INPP4A: variants seen among roughly 807,000 people sequenced by gnomAD.
The protein encoded by INPP4A is inositol polyphosphate-4-phosphatase, type I, 107kD.
Under a neutral mutation model 119.8 loss-of-function variants are expected in INPP4A, and 33 were observed. The observed-to-expected ratio is 0.28, with a 90% confidence interval of 0.21 to 0.37. The LOEUF is 0.37. INPP4A is among the 10% of genes least tolerant of loss of function. The probability of loss-of-function intolerance (pLI) is 1.00; values close to 1 mark genes in which losing one functional copy is unlikely to be tolerated. For missense variants in INPP4A, 956 were observed against 1,289.9 expected (o/e 0.74, Z 3.97); for synonymous variants, 496 against 500.7 (o/e 0.99, Z 0.12).
rs1402783052 is a variant in INPP4A at position 98,581,560 on chromosome 2, T to C, written c.2786+4417T>C. 11 of 1,503,098 alleles carry C rather than the reference T, an allele frequency of 7.3e-6. 1 individual carries two copies. The South Asian group carries it at 1.4e-4, about 19-fold the overall frequency. The allele number at this position is 1,503,098 out of a possible 1,614,324, so 93.1% of individuals were successfully genotyped here. ...TTTTTCCTTTTTCTTTCTCCCAAAC[T>C]TTTTCCTTTTCACAGCATTGGAACA... On this transcript the variant is annotated intron_variant, in intron 24 of 24. Transcript: ENST00000409851.
At chr2:98,536,300 C>G in intron 7 of INPP4A, 92 bp downstream of exon 7, 1 of 769,550 alleles carries the variant, frequency 1.3e-6, no homozygotes, top group Non-Finnish European at 2.3e-6. Flanking sequence ...ACTGAGAGAG[C>G]ACCCTTCCCT....
intron 1 of INPP4A, among the ~76,000 whole-genome samples, chr2:98,505,431 G>C (rs543750459): frequency 1.4e-3 from 220 of 152,280 alleles, no homozygotes; most frequent in African/African-American, 5.1e-3. Context: ...CACTTTCCCT[G>C]CAGTGCTTCC....
chr2:98,452,199 A>T (rs894908617), intron 1 of INPP4A, among the ~76,000 whole-genome samples: 1 of 152,210 alleles, frequency 6.6e-6, no homozygotes, highest in African/African-American at 2.4e-5. Context: ...CCTGTGGAGC[A>T]AAGGGTCACG....
rs1697326189 is a variant in INPP4A, at chr2:98,570,895, C to G, written c.2519-1920C>G. 6.6e-6 allele frequency among the ~76,000 whole-genome samples: 1 copy of G among 152,048 alleles called. No individual in the cohort carries two copies. ...GGAGTGGAGGTGACTGGCAGAGATG[C>G]AGTTGGAGCCAGAGAGCCTGGAAAA... On this transcript the variant is annotated intron_variant, in intron 22 of 24. Transcript: ENST00000409851. The surrounding 1 kb of genome is among the most constrained non-coding windows in gnomAD (Gnocchi z 4.3).
intron 13 of INPP4A, chr2:98,549,040 C>T: frequency 7.0e-7 from 1 of 1,432,672 alleles, no homozygotes; most frequent in Non-Finnish European, 9.7e-7. Flanking sequence ...TTGTGCCATC[C>T]CCACACCTCC....
chr2:98,594,008 G>C lies in INPP4A; in HGVS notation c.*6400G>C, dbSNP rs929555269. ...GTCAGTCCCCTCTGTATTCACAAGA[G>C]CAAGTGTAATGCCCGCTGTGAAGGA... On this transcript the variant is annotated 3_prime_UTR_variant, in exon 25 of 25. Transcript: ENST00000409851. 1.3e-5 allele frequency: 2 copies of C among 152,212 alleles called. No individual in the cohort carries two copies. The highest frequency in any genetic ancestry group is 2.9e-5 in the Non-Finnish European group (2 of 68,038). 9.4% of individuals were successfully genotyped at this position (152,212 alleles called of 1,614,324 possible).
chr2:98,468,224 A>T (rs1309527056), intron 1 of INPP4A, among the ~76,000 whole-genome samples: 1 of 152,164 alleles, frequency 6.6e-6, no homozygotes, highest in Non-Finnish European at 1.5e-5. Context: ...CTCAGTAAAG[A>T]AAACAATTTT....
At position 98,535,715 on chromosome 2, in the gene INPP4A, C is replaced by A; in HGVS notation, c.271-14C>A. 8.0e-7 allele frequency: 1 copy of A among 1,252,342 alleles called. No individual in the cohort carries two copies. Among genetic ancestry groups the A allele is most frequent in the Non-Finnish European group, 1.1e-6 (1 of 873,762 alleles). 77.6% of individuals were successfully genotyped at this position (1,252,342 alleles called of 1,614,324 possible). On this transcript the variant is annotated splice_polypyrimidine_tract_variant and intron_variant, in intron 5 of 24. Transcript: ENST00000409851. ...TCCAACCCTGTGTTCTGATTATTTC[C>A]TTTTCTGTTCTAGGGAACCAACAAT...
chr2:98,538,040 C>T, intron 8 of INPP4A, 66 bp downstream of exon 8: 1 of 1,084,378 alleles, frequency 9.2e-7, no homozygotes, highest in Admixed American at 2.1e-5. Flanking sequence ...AAAAATGCAG[C>T]CCTCGTGGAC....
chr2:98,462,216 A>C (rs1053823520), intron 1 of INPP4A, among the ~76,000 whole-genome samples: 1 of 152,234 alleles, frequency 6.6e-6, no homozygotes, highest in African/African-American at 2.4e-5. Flanking sequence ...TGGAAGGCCA[A>C]GGTGGGCGGA....
chr2:98,564,506 G>C, intron 18 of INPP4A, 134 bp from the exon 19 acceptor site: 1 of 1,094,592 alleles, frequency 9.1e-7, no homozygotes, highest in Non-Finnish European at 1.3e-6. Context: ...CTTCTCAAGG[G>C]ATGGGAGGTG....
At chr2:98,553,351 A>G (rs1693884833) in intron 14 of INPP4A, among the ~76,000 whole-genome samples, 1 of 73,258 alleles carries the variant, frequency 1.4e-5, no homozygotes, top group Non-Finnish European at 2.6e-5. Context: ...AAACTGAGCT[A>G]TTATACAGAC....
intron 11 of INPP4A, among the ~76,000 whole-genome samples, chr2:98,545,062 T>C (rs1341265283): frequency 6.6e-6 from 1 of 152,198 alleles, no homozygotes; most frequent in East Asian, 1.9e-4. Context: ...GAAGTGGCAG[T>C]CTGGGATTGT....
chr2:98,552,683 A>G (rs1693749925), intron 13 of INPP4A, 103 bp from the exon 14 acceptor site: 2 of 932,566 alleles, frequency 2.1e-6, no homozygotes, highest in Non-Finnish European at 1.8e-6. Flanking sequence ...CCTGAGTCAC[A>G]GAACACTTCA....
At chr2:98,508,690 G>T (rs1355766631) in intron 1 of INPP4A, among the ~76,000 whole-genome samples, 1 of 152,198 alleles carries the variant, frequency 6.6e-6, no homozygotes, top group East Asian at 1.9e-4. Context: ...TTAATTGTGT[G>T]AGGGCTTCAA....
At chr2:98,539,472 A>G (rs1690977427) in intron 9 of INPP4A, 56 bp from the exon 10 acceptor site, 8 of 1,562,682 alleles carry the variant, frequency 5.1e-6, no homozygotes, top group South Asian at 4.7e-5. Flanking sequence ...AGAACCCATG[A>G]GGCAGGTCTG....
chr2:98,533,218 A>G (rs1689582193), intron 4 of INPP4A, among the ~76,000 whole-genome samples, 159 bp from the exon 5 acceptor site: 1 of 152,202 alleles, frequency 6.6e-6, no homozygotes, highest in African/African-American at 2.4e-5. Context: ...GATTGTTTCA[A>G]ATTTAAAAAA....
In INPP4A at chr2:98,566,916, C is replaced by T. The variant is rs1696569333; in HGVS notation, c.2420+747C>T. ...TAGTCTAAACAGAGATCTTCAAGTA[C>T]TTGCTGTGAAGGAAATTTGGTTTCC... On this transcript the variant is annotated intron_variant, in intron 21 of 24. Transcript: ENST00000409851. This position sits in a 1 kb window ranked among gnomAD's most constrained non-coding sequence, Gnocchi z 4.2. Among the ~76,000 whole-genome samples, 1 of 152,172 alleles carries T rather than the reference C, an allele frequency of 6.6e-6. No individual in the cohort carries two copies. The highest frequency in any genetic ancestry group is 2.4e-5 in the African/African-American group (1 of 41,430).
In INPP4A at chr2:98,590,824, T is replaced by G. The variant is rs1466876967; in HGVS notation, c.*3216T>G. 4.4e-6 allele frequency: 1 copy of G among 228,312 alleles called. No individual in the cohort carries two copies. Among genetic ancestry groups the G allele is most frequent in the Non-Finnish European group, 8.7e-6 (1 of 115,064 alleles). 14.1% of individuals were successfully genotyped at this position (228,312 alleles called of 1,614,324 possible). A position where few individuals can be genotyped will look rare whatever the true frequency, so the allele number is the denominator to read the frequency against. The stretch of plus-strand genomic sequence containing the variant: ...TTAGTATTACCAAACTCCTAGAAAT[T>G]TAAGCTACCACCAAAAATAACATGT... On this transcript the variant is annotated 3_prime_UTR_variant, in exon 25 of 25. Transcript: ENST00000409851.
Sources: allele counts gnomAD v4.1 joint callset (sites outside exome capture counted in the v4.1 genomes callset), GRCh38; gene constraint gnomAD v4.1.1; non-coding constraint Gnocchi (gnomAD v3.1); transcripts MANE v1.5; gene names NCBI Gene and HGNC (gene_info 2026-07-23, HGNC 2026-07-21).